The following ARMCX4 variants were observed in gnomAD, a reference collection of about 807,000 sequenced individuals.
The protein encoded by ARMCX4 is armadillo repeat-containing X-linked protein 4.
Under a neutral mutation model 34.7 loss-of-function variants are expected in ARMCX4, and 3 were observed. The ratio of observed to expected loss-of-function variants is 0.09; its 90% confidence interval spans 0.04 to 0.22. ARMCX4 has a LOEUF of 0.22. Among genes scored for constraint, ARMCX4 ranks in the 10% least tolerant of loss-of-function variants. The pLI is 1.00. For missense variants in ARMCX4, 1,448 were observed against 1,720.8 expected (o/e 0.84, Z 2.81); for synonymous variants, 513 against 632.8 (o/e 0.81, Z 2.84).
intron 12 of ARMCX4, chrX:101,532,647 A>G (rs1556022426): frequency 9.0e-6 from 1 of 111,412 alleles, no homozygotes; most frequent in Non-Finnish European, 1.9e-5. Context: ...ATTGAAGATT[A>G]GGGTCACTAC....
intron 4 of ARMCX4, among the ~76,000 whole-genome samples, chrX:101,472,899 C>T (rs1251792701): frequency 9.9e-6 from 1 of 100,515 alleles, no homozygotes; most frequent in Non-Finnish European, 2.0e-5. Context: ...ACTGCATCAA[C>T]TAACGAGCAA....
chrX:101,497,640 C>T (rs1411898901), downstream of ARMCX4, among the ~76,000 whole-genome samples: 1 of 111,722 alleles, frequency 9.0e-6, no homozygotes, highest in Non-Finnish European at 1.9e-5. Context: ...ATTAGGCAGG[C>T]CTGGTCAGTA....
chrX:101,526,603 G>A (rs1934980953), intron 11 of ARMCX4, among the ~76,000 whole-genome samples: 2 of 111,784 alleles, frequency 1.8e-5, no homozygotes, highest in African/African-American at 6.5e-5. Context: ...CACGTGCAGA[G>A]ACACACGTAG....
At chrX:101,455,511 A>G (rs1556000039) in intron 4 of ARMCX4, among the ~76,000 whole-genome samples, 2 of 111,733 alleles carry the variant, frequency 1.8e-5, no homozygotes, top group African/African-American at 6.5e-5. Context: ...ATTTTAGATT[A>G]TTACCACTAA....
chrX:101,430,478 C>G (rs1214356526), intron 2 of ARMCX4, among the ~76,000 whole-genome samples: 1 of 112,597 alleles, frequency 8.9e-6, no homozygotes, highest in Non-Finnish European at 1.9e-5. Flanking sequence ...GACCGCCACT[C>G]AGCTAATATG....
At chrX:101,460,199 A>G in intron 4 of ARMCX4, among the ~76,000 whole-genome samples, 1 of 112,622 alleles carries the variant, frequency 8.9e-6, no homozygotes, top group African/African-American at 3.2e-5. Flanking sequence ...CAAAGGGGTC[A>G]GAGTTTGCAG....
chrX:101,437,235 T>C (rs1555995108), intron 2 of ARMCX4, among the ~76,000 whole-genome samples: 1 of 111,993 alleles, frequency 8.9e-6, no homozygotes, highest in East Asian at 2.8e-4. Flanking sequence ...AGCTCCTCCT[T>C]GTACCTCTGG....
At chrX:101,430,871 G>A (rs1255609057) in intron 2 of ARMCX4, among the ~76,000 whole-genome samples, 12 of 111,998 alleles carry the variant, frequency 1.1e-4, no homozygotes, top group African/African-American at 3.6e-4. Context: ...TTACTAGCAA[G>A]CAGCTTTGAG....
chrX:101,506,956 C>G (rs1403483061), intron 8 of ARMCX4, among the ~76,000 whole-genome samples: 1 of 111,231 alleles, frequency 9.0e-6, no homozygotes, highest in Non-Finnish European at 1.9e-5. Context: ...ACTATTTCTT[C>G]TGATATTGCC....
At chrX:101,469,179 A>G (rs554534453) in intron 4 of ARMCX4, among the ~76,000 whole-genome samples, 136 of 112,683 alleles carry the variant, frequency 1.2e-3, no homozygotes, top group South Asian at 8.4e-3. Context: ...CTTAACAGAG[A>G]AATGTAATCT....
chrX:101,467,259 C>T (rs1338128433), intron 4 of ARMCX4, among the ~76,000 whole-genome samples: 1 of 111,716 alleles, frequency 9.0e-6, no homozygotes, highest in Non-Finnish European at 1.9e-5. Flanking sequence ...ACGTGATTCT[C>T]GTGCCTCAGC....
intron 4 of ARMCX4, among the ~76,000 whole-genome samples, chrX:101,471,587 T>A (rs781969401): frequency 3.8e-4 from 43 of 112,034 alleles, no homozygotes; most frequent in African/African-American, 1.3e-3. Context: ...GCAGTGGTTC[T>A]CCCAGCACGC....
chrX:101,511,508 C>A (rs1934580096), intron 11 of ARMCX4, among the ~76,000 whole-genome samples: 1 of 111,139 alleles, frequency 9.0e-6, no homozygotes, highest in Admixed American at 9.6e-5. Context: ...GGCCTTTTGT[C>A]TTGGTCTCAC....
intron 11 of ARMCX4, among the ~76,000 whole-genome samples, chrX:101,511,582 T>C (rs1934581344): frequency 9.0e-6 from 1 of 111,387 alleles, no homozygotes; most frequent in Non-Finnish European, 1.9e-5. Context: ...CTCCATAGGG[T>C]TAGGAGGGAT....
Position 101,492,264 on chromosome X carries a change from T to C in ARMCX4, c.3675T>C (p.Ala1225=). 1 of 1,139,972 alleles carries C rather than the reference T, an allele frequency of 8.8e-7. No individual in the cohort carries two copies. The highest frequency in any genetic ancestry group is 1.2e-6 in the Non-Finnish European group (1 of 865,189). The allele number at this position is 1,139,972 out of a possible 1,213,427, so 93.9% of individuals were successfully genotyped here. A position where few individuals can be genotyped will look rare whatever the true frequency, so the allele number is the denominator to read the frequency against. The change falls in exon 6 of 6, where the codon GCT becomes GCC. Residue 1225 remains alanine (A), a synonymous_variant. Coordinates refer to ENST00000423738, the MANE Select transcript of ARMCX4 (RefSeq NM_001256155.3). ...AENQASGGSW[A]LAGNQAIGEL... ...ACCAGGCCAGTGGGGGGTCTTGGGC[T>C]CTCGCTGGGAATCAGGCCATTGGAG... is the stretch of plus-strand genomic sequence containing the variant.
At chrX:101,432,960 A>ATGTGTG (rs1930264979) in intron 2 of ARMCX4, among the ~76,000 whole-genome samples, 3 of 45,786 alleles carry the variant, frequency 6.6e-5, no homozygotes, top group African/African-American at 1.2e-4. Flanking sequence ...ACATGTATAC[A>ATGTGTG]TATGTGTATA....
Position 101,494,895 on chromosome X carries a change from G to A in ARMCX4, c.6306G>A (p.Lys2102=), listed in dbSNP as rs782216685. ...ATCCCTACCCCAGTGTTAGGCAGAA[G>A]GCTTTAAATGCACTGAATAATATCT... ...LNNPYPSVRQ[K]ALNALNNISV... The change falls in exon 6 of 6, where the codon AAG becomes AAA. Residue 2102 remains lysine (K), a synonymous_variant. Coordinates refer to ENST00000423738, the MANE Select transcript of ARMCX4 (RefSeq NM_001256155.3). 124 of 1,154,231 alleles carry A rather than the reference G, an allele frequency of 1.1e-4. 1 individual carries two copies. The East Asian group carries it at 3.2e-3, about 30-fold the overall frequency.
Position 101,454,403 on chromosome X carries a change from G to A in ARMCX4, c.-473+8359G>A, listed in dbSNP as rs782518452. Among the ~76,000 whole-genome samples the A allele has an allele frequency of 4.6e-5, 5 of 108,224 alleles. No individual in the cohort carries two copies. The East Asian group carries it at 1.4e-3, about 31-fold the overall frequency. The allele number at this position is 108,224 out of a possible 115,157, so 94.0% of individuals were successfully genotyped here. ...CCATTCTCCTGCCTCAGCCTCCCGA[G>A]TAGCTGGGACTATAGGTGCCTGCCA... On this transcript the variant is annotated intron_variant and NMD_transcript_variant, in intron 4 of 15. Coordinates refer to the ARMCX4 transcript ENST00000433011.
intron 11 of ARMCX4, among the ~76,000 whole-genome samples, chrX:101,512,158 G>A (rs1603224427): frequency 9.0e-6 from 1 of 111,091 alleles, no homozygotes; most frequent in African/African-American, 3.3e-5. Flanking sequence ...GAGGTGGATG[G>A]ATCACTTGAG....
Sources: allele counts gnomAD v4.1 joint callset (sites outside exome capture counted in the v4.1 genomes callset), GRCh38; gene constraint gnomAD v4.1.1; transcripts MANE v1.5; gene names NCBI Gene and HGNC (gene_info 2026-07-23, HGNC 2026-07-21).